MYL1: variants seen among roughly 807,000 people sequenced by gnomAD.
MYL1 encodes myosin light chain 1/3, skeletal muscle isoform.
In MYL1, 16 loss-of-function variants were observed where a neutral mutation model predicts 21.8. The ratio of observed to expected loss-of-function variants is 0.74; its 90% CI spans 0.50 to 1.12. MYL1 has a LOEUF of 1.12. Among genes scored for constraint, MYL1 ranks in the 50% most tolerant of loss-of-function variants. The pLI, the probability that MYL1 is intolerant of heterozygous loss-of-function variation, is 0.00. For synonymous variants in MYL1, 99 were observed against 85.2 expected, an observed-to-expected ratio of 1.16 and a Z score of -0.89; for missense variants, 246 against 241.0, an observed-to-expected ratio of 1.02 and a Z score of -0.14.
chr2:210,309,048 T>A (rs1165845120), intron 1 of MYL1, among the ~76,000 whole-genome samples: 1 of 152,058 alleles, frequency 6.6e-6, no homozygotes, highest in East Asian at 1.9e-4. Flanking sequence ...TTTAGCTTTC[T>A]TATCATAAAT....
At chr2:210,294,993 C>A (rs1290944139) in intron 3 of MYL1, among the ~76,000 whole-genome samples, 1 of 152,064 alleles carries the variant, frequency 6.6e-6, no homozygotes, top group Non-Finnish European at 1.5e-5. Context: ...AAGCAGTTTA[C>A]AAGGAGAGAG....
At chr2:210,300,465 C>A (rs1212798153) in intron 2 of MYL1, among the ~76,000 whole-genome samples, 1 of 152,104 alleles carries the variant, frequency 6.6e-6, no homozygotes, top group East Asian at 1.9e-4. Flanking sequence ...TTTCTTCACA[C>A]CTCAGTGACA....
chr2:210,303,570 G>T, intron 1 of MYL1: 1 of 1,610,982 alleles, frequency 6.2e-7, no homozygotes, highest in Non-Finnish European at 8.5e-7. Flanking sequence ...CTGCAACACA[G>T]CAGGGAAGCT....
At chr2:210,299,855 T>G (rs1306288628) in intron 2 of MYL1, among the ~76,000 whole-genome samples, 2 of 152,162 alleles carry the variant, frequency 1.3e-5, no homozygotes, top group Admixed American at 1.3e-4. Flanking sequence ...TTTTTTAGGC[T>G]ATCAGTGGTT....
At chr2:210,297,814 T>C (rs1406905312) in intron 3 of MYL1, among the ~76,000 whole-genome samples, 2 of 151,588 alleles carry the variant, frequency 1.3e-5, no homozygotes, top group African/African-American at 2.4e-5. Context: ...TGTCCACTCA[T>C]AGAAGCAGTG....
intron 5 of MYL1, among the ~76,000 whole-genome samples, chr2:210,292,963 G>T (rs1963089): frequency 1.3e-5 from 2 of 151,704 alleles, no homozygotes; most frequent in African/African-American, 4.8e-5. Flanking sequence ...GATATGCTTG[G>T]CTAAGCCCTT....
At chr2:210,302,436 C>T in intron 2 of MYL1, 52 bp downstream of exon 2, 2 of 1,550,518 alleles carry the variant, frequency 1.3e-6, no homozygotes, top group South Asian at 1.2e-5. Context: ...GGTTTTCACA[C>T]ATGCCATCTT....
At chr2:210,298,858 C>T (rs2063310) in intron 2 of MYL1, among the ~76,000 whole-genome samples, 70,888 of 151,558 alleles carry the variant, frequency 0.47, 16,678 homozygotes, top group Middle Eastern at 0.62. Flanking sequence ...TGCCTGGAAA[C>T]CTGGATTGGG....
chr2:210,303,753 TG>T (rs1335723309), intron 1 of MYL1: 5 of 502,450 alleles, frequency 1.0e-5, no homozygotes, highest in African/African-American at 2.0e-5. Context: ...AAGATGGATC[TG>T]TACCCTGAGA....
chr2:210,302,793 C>T, intron 1 of MYL1: 1 of 1,562,902 alleles, frequency 6.4e-7, no homozygotes, highest in South Asian at 1.2e-5. Context: ...CACTGAAGGA[C>T]TGCAGTGGCG....
chr2:210,293,144 G>A (rs994820165), intron 5 of MYL1, among the ~76,000 whole-genome samples: 9 of 151,974 alleles, frequency 5.9e-5, no homozygotes, highest in African/African-American at 9.7e-5. Flanking sequence ...TTTTAAATTT[G>A]TAAATTATAT....
chr2:210,292,722 T>C (rs73984374), intron 5 of MYL1, among the ~76,000 whole-genome samples: 2,981 of 152,308 alleles, frequency 0.02, 100 homozygotes, highest in African/African-American at 0.068. Context: ...AAATTAATTC[T>C]TCTGTGATTT....
chr2:210,314,854 G>C (rs1690466249), intron 1 of MYL1, 57 bp downstream of exon 1: 2 of 1,597,374 alleles, frequency 1.3e-6, no homozygotes, highest in Non-Finnish European at 1.7e-6. Flanking sequence ...CAAGTTCCTA[G>C]AGATCCTTAC....
intron 3 of MYL1, among the ~76,000 whole-genome samples, chr2:210,296,991 TTG>T (rs36073440): frequency 0.47 from 67,857 of 142,938 alleles, 15,938 homozygotes; most frequent in Middle Eastern, 0.63. Flanking sequence ...TAGTATTCCA[TTG>T]TGTGTGTGTG....
chr2:210,303,640 C>T lies in MYL1; in HGVS notation c.133-1125G>A, dbSNP rs1690297909. 4.5e-6 allele frequency: 7 copies of T among 1,551,942 alleles called. No homozygotes were observed. The African/African-American group carries it at 7.0e-5, about 15-fold the overall frequency. On this transcript the variant is annotated intron_variant, in intron 1 of 6. Coordinates refer to ENST00000352451, the MANE Select transcript of MYL1 (RefSeq NM_079420.3). ...TGGGGTCATCCCTGGCTGAGGCTTC[C>T]TTTTATTTCTGGGCAAGCTTTGACC...
At chr2:210,314,663 G>C (rs1368712952) in intron 1 of MYL1, among the ~76,000 whole-genome samples, 2 of 152,132 alleles carry the variant, frequency 1.3e-5, no homozygotes, top group South Asian at 2.1e-4. Context: ...TGCAATTTAG[G>C]AGAAAATGGA....
chr2:210,303,460 T>C, intron 1 of MYL1: 5 of 1,365,714 alleles, frequency 3.7e-6, no homozygotes, highest in Non-Finnish European at 5.1e-6. Context: ...GTTCCATTTT[T>C]GCCTATCTTT....
intron 1 of MYL1, among the ~76,000 whole-genome samples, chr2:210,303,220 T>C (rs1690290752): frequency 1.3e-5 from 2 of 152,214 alleles, no homozygotes; most frequent in African/African-American, 4.8e-5. Flanking sequence ...CACTGGATTG[T>C]ATTTTAATGT....
At chr2:210,307,450 T>C (rs886890140) in intron 1 of MYL1, among the ~76,000 whole-genome samples, 2 of 152,220 alleles carry the variant, frequency 1.3e-5, no homozygotes, top group Non-Finnish European at 2.9e-5. Context: ...GGGAAAAGAC[T>C]TCACCTGCTC....
Sources: gnomAD v4.1 joint callset for allele counts (sites outside exome capture counted in the v4.1 genomes callset) on GRCh38, gnomAD v4.1.1 for gene constraint, MANE v1.5 for transcripts, NCBI Gene and HGNC (gene_info 2026-07-23, HGNC 2026-07-21) for gene names.